Variants in PATJ observed in about 807,000 individuals in gnomAD.
PATJ encodes PATJ crumbs cell polarity complex component.
A neutral mutation model predicts 224.9 loss-of-function variants in PATJ; 190 were observed. That is an observed-to-expected ratio of 0.84 (90% confidence interval 0.75 to 0.95). The LOEUF (loss-of-function observed/expected upper bound fraction) is 0.95. PATJ is among the 40% of genes least tolerant of loss of function. The pLI, the probability that PATJ is intolerant of heterozygous loss-of-function variation, is 0.00. For synonymous variants in PATJ, 769 were observed against 820.3 expected (o/e 0.94, Z 1.07); for missense variants, 2,121 against 2,270.3 (o/e 0.93, Z 1.34).
intron 20 of PATJ, among the ~76,000 whole-genome samples, chr1:61,872,371 A>G (rs61772462): frequency 0.031 from 4,704 of 152,284 alleles, 123 homozygotes; most frequent in Middle Eastern, 0.071. Context: ...CATGAAGCAG[A>G]CCATCTGGAG....
At chr1:61,827,618 T>C (rs776186801) in intron 16 of PATJ, 35 bp downstream of exon 16, 2 of 1,586,708 alleles carry the variant, frequency 1.3e-6, no homozygotes, top group East Asian at 2.3e-5. Flanking sequence ...CCCATAGGCA[T>C]GCCCATTCAT....
At chr1:61,808,960 G>A (rs1654136351) in intron 14 of PATJ, among the ~76,000 whole-genome samples, 1 of 152,136 alleles carries the variant, frequency 6.6e-6, no homozygotes, top group Non-Finnish European at 1.5e-5. Flanking sequence ...ATTATAAGGA[G>A]TCCTTTAATG....
intron 4 of PATJ, among the ~76,000 whole-genome samples, chr1:61,767,681 T>TC (rs1351647527): frequency 6.7e-6 from 1 of 148,954 alleles, no homozygotes; most frequent in Non-Finnish European, 1.5e-5. Context: ...TTCTTTTCTT[T>TC]TTTTTTTTTT....
chr1:61,922,544 C>G (rs576980711), intron 26 of PATJ, among the ~76,000 whole-genome samples: 47 of 152,328 alleles, frequency 3.1e-4, no homozygotes, highest in Non-Finnish European at 5.1e-4. Context: ...CAAAAGAGAT[C>G]TCTGGCTTTA....
chr1:61,766,213 A>G (rs899456715), intron 3 of PATJ, 66 bp from the exon 4 acceptor site: 41 of 1,106,602 alleles, frequency 3.7e-5, no homozygotes, highest in Non-Finnish European at 4.4e-5. Flanking sequence ...TGGTCAAAAT[A>G]TATTTAATAA....
At chr1:62,081,042 G>A (rs1004536431) in intron 32 of PATJ, among the ~76,000 whole-genome samples, 1 of 152,150 alleles carries the variant, frequency 6.6e-6, no homozygotes, top group Admixed American at 6.5e-5. Context: ...TTTCTGTATT[G>A]TCAGTGGCTT....
intron 27 of PATJ, among the ~76,000 whole-genome samples, chr1:61,947,544 A>G (rs1678933530): frequency 6.6e-6 from 1 of 152,172 alleles, no homozygotes; most frequent in South Asian, 2.1e-4. Flanking sequence ...ACTACAAACC[A>G]CTGCTCAATA....
At chr1:61,992,157 G>A (rs1321981346) in intron 28 of PATJ, among the ~76,000 whole-genome samples, 1 of 129,108 alleles carries the variant, frequency 7.7e-6, no homozygotes, top group African/African-American at 3.0e-5. Context: ...CACTCTTGTT[G>A]CCCAGGCTGG....
At chr1:61,873,319 C>T (rs947035104) in intron 20 of PATJ, among the ~76,000 whole-genome samples, 23 of 152,136 alleles carry the variant, frequency 1.5e-4, no homozygotes, top group African/African-American at 3.9e-4. Flanking sequence ...AGGCACACAC[C>T]GCTATGCCTG....
At chr1:62,017,220 C>T (rs964209319) in intron 28 of PATJ, among the ~76,000 whole-genome samples, 2 of 152,042 alleles carry the variant, frequency 1.3e-5, no homozygotes, top group African/African-American at 2.4e-5. Flanking sequence ...CCTAACCCAG[C>T]CTGGGCAACA....
At chr1:61,835,513 T>C (rs1294588554) in intron 17 of PATJ, among the ~76,000 whole-genome samples, 6 of 152,188 alleles carry the variant, frequency 3.9e-5, no homozygotes, top group African/African-American at 1.4e-4. Flanking sequence ...AAGTGATTCT[T>C]GTGCCTCAGC....
rs78071731 is a variant in PATJ at position 62,073,181 on chromosome 1, T to G, written c.4126-6269T>G. 3,343 of 984,622 alleles carry G rather than the reference T, an allele frequency of 3.4e-3. 7 individuals carry two copies. The highest frequency in any genetic ancestry group is 3.8e-3 in the Non-Finnish European group (3,160 of 829,250). The allele number at this position is 984,622 out of a possible 1,614,324, so 61.0% of individuals were successfully genotyped here. On this transcript the variant is annotated intron_variant, in intron 31 of 43. Coordinates refer to ENST00000642238, the MANE Select transcript of PATJ (RefSeq NM_001350145.3). ...CCAAAAGAAAAGGAGGTGATTGCAA[T>G]GAGATCAGATCTTTTATTACTTGAC... is the stretch of plus-strand genomic sequence containing the variant.
intron 22 of PATJ, 47 bp from the exon 23 acceptor site, chr1:61,899,536 G>A (rs761052609): frequency 3.5e-5 from 45 of 1,290,514 alleles, no homozygotes; most frequent in African/African-American, 6.0e-5. Context: ...CTTTAATAAT[G>A]AGTATGCCCT....
rs1342142560 is a variant in PATJ, at chr1:61,998,004, T to TATA, written c.3867+7640_3867+7641insATA. Among the ~76,000 whole-genome samples the TATA allele has an allele frequency of 3.1e-4, 32 of 104,648 alleles. 1 individual carries two copies. Among genetic ancestry groups the TATA allele is most frequent in the African/African-American group, 1.5e-3 (31 of 21,142 alleles). The allele number at this position is 104,648 out of a possible 152,430, so 68.7% of individuals were successfully genotyped here. Reference sequence around the variant, plus strand: ...AGCTTATATATGTATATATAATATATTATATATATTAATTATATATAATAT... The same window carrying TATA: ...AGCTTATATATGTATATATAATATATATATATATATATTAATTATATATAATAT... On this transcript the variant is annotated intron_variant, in intron 28 of 43. Coordinates refer to ENST00000642238, the MANE Select transcript of PATJ (RefSeq NM_001350145.3).
At chr1:62,005,587 G>A (rs1055608542) in intron 28 of PATJ, among the ~76,000 whole-genome samples, 5 of 152,004 alleles carry the variant, frequency 3.3e-5, no homozygotes, top group Non-Finnish European at 5.9e-5. Context: ...AAGATAGCAA[G>A]ACCTTGTCTC....
At position 61,801,651 on chromosome 1, in the gene PATJ, AG is replaced by A; in HGVS notation, c.1432del (p.Ala478LeufsTer4). 6.3e-7 allele frequency: 1 copy of A among 1,593,862 alleles called. No individual in the cohort carries two copies. The highest frequency in any genetic ancestry group is 8.6e-7 in the Non-Finnish European group (1 of 1,168,802). On this transcript the variant is annotated frameshift_variant, in exon 12 of 44. Coordinates refer to ENST00000642238, the MANE Select transcript of PATJ (RefSeq NM_001350145.3). LOFTEE classifies it high-confidence loss of function. ...CTGTTGTAGAACCACTGAAACCACC[AG>A]CTCTCTTTCTAACTGGAGCAGTGGA... ...GTVVEPLKPP[A>X]LFLTGAVETE...
At chr1:61,764,244 A>G (rs1434487077) in intron 3 of PATJ, among the ~76,000 whole-genome samples, 1 of 152,128 alleles carries the variant, frequency 6.6e-6, no homozygotes, top group Non-Finnish European at 1.5e-5. Context: ...GTTGTCTTTC[A>G]TGCGTATTCT....
chr1:62,039,875 G>A (rs967840196), intron 30 of PATJ, among the ~76,000 whole-genome samples: 1 of 151,966 alleles, frequency 6.6e-6, no homozygotes, highest in African/African-American at 2.4e-5. Flanking sequence ...TCTTGTGCAG[G>A]ACTAGGCCAA....
intron 31 of PATJ, among the ~76,000 whole-genome samples, chr1:62,057,683 C>T (rs1654781334): frequency 1.3e-5 from 2 of 152,196 alleles, no homozygotes; most frequent in Non-Finnish European, 2.9e-5. Flanking sequence ...AGAGAGTTGT[C>T]AGTAAAATAA....
Sources: gnomAD v4.1 joint callset for allele counts (sites outside exome capture counted in the v4.1 genomes callset) on GRCh38, gnomAD v4.1.1 for gene constraint, MANE v1.5 for transcripts, NCBI Gene and HGNC (gene_info 2026-07-23, HGNC 2026-07-21) for gene names.